The following GLT1D1 variants were observed in gnomAD, a reference collection of about 807,000 sequenced individuals.
GLT1D1 encodes glycosyltransferase 1 domain-containing protein 1.
Under a neutral mutation model 28.7 loss-of-function variants are expected in GLT1D1, and 21 were observed. The observed-to-expected ratio is 0.73, with a 90% CI of 0.52 to 1.05. The LOEUF is 1.05. GLT1D1 is among the 50% of genes least tolerant of loss of function. GLT1D1 has a pLI of 0.00. For missense variants in GLT1D1, 343 were observed against 330.6 expected, an observed-to-expected ratio of 1.04 and a Z score of -0.29; for synonymous variants, 147 against 124.8, an observed-to-expected ratio of 1.18 and a Z score of -1.19.
chr12:128,977,343 C>A (rs888993347), intron 7 of GLT1D1, among the ~76,000 whole-genome samples: 1 of 152,150 alleles, frequency 6.6e-6, no homozygotes, highest in African/African-American at 2.4e-5. Context: ...AAACCATGCT[C>A]TTTTGCATGA....
intron 2 of GLT1D1, among the ~76,000 whole-genome samples, chr12:128,878,446 A>G (rs1442297337): frequency 6.6e-6 from 1 of 152,218 alleles, no homozygotes; most frequent in Non-Finnish European, 1.5e-5. Context: ...CTGTACAGAC[A>G]TCATAGCATA....
intron 2 of GLT1D1, among the ~76,000 whole-genome samples, chr12:128,879,405 TCTTTCTTTC>T (rs1956962752): frequency 5.5e-5 from 5 of 90,482 alleles, no homozygotes; most frequent in Admixed American, 4.7e-4. Context: ...TTTCTTTCTT[TCTTTCTTTC>T]TTTCTTTCTT....
Position 128,927,161 on chromosome 12 carries a change from T to C in GLT1D1, c.376-18165T>C. On this transcript the variant is annotated intron_variant, in intron 4 of 7. Coordinates refer to ENST00000281703, the MANE Select transcript of GLT1D1 (RefSeq NM_144669.3). ...GGTGATTGTGGGTCCTGAAGTAAGT[T>C]GATGTGCAGTAAACACTTATCTCAT... 1 of 1,529,570 alleles carries C rather than the reference T, an allele frequency of 6.5e-7. No homozygotes were observed. The highest frequency in any genetic ancestry group is 1.4e-5 in the African/African-American group (1 of 73,054). The allele number at this position is 1,529,570 out of a possible 1,614,324, so 94.7% of individuals were successfully genotyped here. A position where few individuals can be genotyped will look rare whatever the true frequency, so the allele number is the denominator to read the frequency against.
chr12:128,900,365 A>G (rs995505407), intron 4 of GLT1D1, among the ~76,000 whole-genome samples: 9 of 152,222 alleles, frequency 5.9e-5, no homozygotes, highest in African/African-American at 1.9e-4. Context: ...ATGGAATTGC[A>G]ATTTGCAAAA....
At chr12:128,900,636 C>CTTTTTTT (rs71072419) in intron 4 of GLT1D1, among the ~76,000 whole-genome samples, 1 of 140,532 alleles carries the variant, frequency 7.1e-6, no homozygotes, top group Non-Finnish European at 1.6e-5. Context: ...TAATACCAAA[C>CTTTTTTT]TTTTTTTTTT....
At chr12:128,924,254 C>T (rs1593138475) in intron 4 of GLT1D1, among the ~76,000 whole-genome samples, 1 of 151,896 alleles carries the variant, frequency 6.6e-6, no homozygotes, top group East Asian at 2.0e-4. Flanking sequence ...TGGCGAAACC[C>T]CATCTCCACT....
At chr12:128,946,431 C>G (rs191094341) in intron 5 of GLT1D1, among the ~76,000 whole-genome samples, 1 of 152,110 alleles carries the variant, frequency 6.6e-6, no homozygotes, top group Admixed American at 6.6e-5. Context: ...ACTGCAAGCT[C>G]CACCTCCTGG....
chr12:128,938,608 A>T (rs1874802615), intron 4 of GLT1D1, among the ~76,000 whole-genome samples: 1 of 152,232 alleles, frequency 6.6e-6, no homozygotes, highest in Admixed American at 6.5e-5. Flanking sequence ...AGTTAGTGTT[A>T]TAAACTGTTG....
intron 7 of GLT1D1, among the ~76,000 whole-genome samples, chr12:128,972,724 A>G (rs1456117463): frequency 6.6e-6 from 1 of 152,198 alleles, no homozygotes; most frequent in Non-Finnish European, 1.5e-5. Flanking sequence ...TAACTTCCTC[A>G]AGGCCCAGAA....
intron 4 of GLT1D1, among the ~76,000 whole-genome samples, chr12:128,908,244 A>G (rs994306776): frequency 1.3e-5 from 2 of 151,948 alleles, no homozygotes; most frequent in African/African-American, 4.8e-5. Flanking sequence ...GCTGCTCCAT[A>G]TTGGACCTGA....
intron 1 of GLT1D1, among the ~76,000 whole-genome samples, chr12:128,859,142 T>C (rs1328493281): frequency 1.3e-5 from 2 of 152,214 alleles, no homozygotes; most frequent in African/African-American, 4.8e-5. Flanking sequence ...CAGGCCATGG[T>C]CACTCATATT....
chr12:128,980,255 A>G (rs1250084919), intron 7 of GLT1D1, among the ~76,000 whole-genome samples: 1 of 152,030 alleles, frequency 6.6e-6, no homozygotes, highest in East Asian at 1.9e-4. Flanking sequence ...TGTGTCTGCG[A>G]CCCCACAACA....
chr12:128,982,463 A>G (rs1225426365), intron 7 of GLT1D1, among the ~76,000 whole-genome samples: 3 of 152,236 alleles, frequency 2.0e-5, no homozygotes, highest in Non-Finnish European at 4.4e-5. Flanking sequence ...GGAAGAGGAC[A>G]GAACAACACA....
chr12:128,977,633 A>G (rs646464), intron 7 of GLT1D1, among the ~76,000 whole-genome samples: 123,891 of 152,174 alleles, frequency 0.81, 50,634 homozygotes, highest in African/African-American at 0.9. Flanking sequence ...CCCGGAAGGC[A>G]TTTGCGTTTC....
At chr12:128,933,302 C>T (rs565793876) in intron 4 of GLT1D1, among the ~76,000 whole-genome samples, 14 of 152,382 alleles carry the variant, frequency 9.2e-5, no homozygotes, top group Middle Eastern at 3.4e-3. Context: ...CAGGCGGAGC[C>T]GAGTCCCGCG....
chr12:128,871,297 A>G (rs1275610186), intron 1 of GLT1D1, among the ~76,000 whole-genome samples: 2 of 152,184 alleles, frequency 1.3e-5, no homozygotes, highest in East Asian at 3.8e-4. Context: ...TGATAGCTTG[A>G]CTGCTGCAGG....
chr12:128,877,857 C>T (rs1956910976), intron 2 of GLT1D1, among the ~76,000 whole-genome samples: 1 of 152,198 alleles, frequency 6.6e-6, no homozygotes, highest in Non-Finnish European at 1.5e-5. Flanking sequence ...TCCCATGAGG[C>T]TGCAGTCTTA....
chr12:128,872,950 T>C (rs10083192), intron 1 of GLT1D1, among the ~76,000 whole-genome samples: 32,878 of 151,964 alleles, frequency 0.22, 3,737 homozygotes, highest in South Asian at 0.31. Context: ...GGCTGAAGTG[T>C]AGTCGCATGA....
chr12:128,877,490 C>T (rs991465224), intron 2 of GLT1D1, among the ~76,000 whole-genome samples: 2 of 152,144 alleles, frequency 1.3e-5, no homozygotes, highest in African/African-American at 4.8e-5. Flanking sequence ...AAGTTGAGCC[C>T]TCTCTGAACA....
Sources: gnomAD v4.1 joint callset for allele counts (sites outside exome capture counted in the v4.1 genomes callset) on GRCh38, gnomAD v4.1.1 for gene constraint, MANE v1.5 for transcripts, NCBI Gene and HGNC (gene_info 2026-07-23, HGNC 2026-07-21) for gene names.